ASIC2: variants seen among roughly 807,000 people sequenced by gnomAD.
ASIC2 encodes the protein acid sensing ion channel subunit 2.
A neutral mutation model predicts 57.3 loss-of-function variants in ASIC2; 25 were observed. That is an observed-to-expected ratio of 0.44 (90% CI 0.32 to 0.61). ASIC2 has a LOEUF of 0.61. ASIC2 is among the 20% of genes least tolerant of loss of function. ASIC2 has a pLI of 0.06. For synonymous variants in ASIC2, 319 were observed against 307.5 expected (o/e 1.04, Z -0.39); for missense variants, 641 against 738.1 (o/e 0.87, Z 1.52).
intron 1 of ASIC2, among the ~76,000 whole-genome samples, chr17:33,507,826 A>G (rs1914311159): frequency 6.6e-6 from 1 of 152,084 alleles, no homozygotes; most frequent in South Asian, 2.1e-4. Flanking sequence ...AATTGCTTGA[A>G]CCCAGCAGGC....
intron 1 of ASIC2, among the ~76,000 whole-genome samples, chr17:33,759,438 GATAATA>G (rs1448175243): frequency 6.6e-6 from 1 of 152,198 alleles, no homozygotes; most frequent in Admixed American, 6.5e-5. Flanking sequence ...CCATGTGGGA[GATAATA>G]ATAAAAAGTA....
At chr17:33,941,732 G>C (rs529689607) in intron 1 of ASIC2, among the ~76,000 whole-genome samples, 6 of 152,182 alleles carry the variant, frequency 3.9e-5, no homozygotes, top group African/African-American at 1.4e-4. Flanking sequence ...GAATGAAAAG[G>C]AGGTCAAAGG....
intron 1 of ASIC2, among the ~76,000 whole-genome samples, chr17:33,889,758 C>A (rs372911918): frequency 6.6e-6 from 1 of 152,114 alleles, no homozygotes; most frequent in Non-Finnish European, 1.5e-5. Context: ...TGCAAAGAGG[C>A]GGGAGAGTTA....
At chr17:33,575,017 C>T (rs1353434498) in intron 1 of ASIC2, among the ~76,000 whole-genome samples, 1 of 152,170 alleles carries the variant, frequency 6.6e-6, no homozygotes, top group East Asian at 1.9e-4. Flanking sequence ...GAAGGTGGCA[C>T]CAGGAGTGGG....
At chr17:33,387,090 G>A (rs1230331658) in intron 1 of ASIC2, among the ~76,000 whole-genome samples, 1 of 152,126 alleles carries the variant, frequency 6.6e-6, no homozygotes, top group Non-Finnish European at 1.5e-5. Flanking sequence ...GTTTCACCAT[G>A]TTGGCCAGGC....
At chr17:33,423,768 C>T (rs1034987624) in intron 1 of ASIC2, among the ~76,000 whole-genome samples, 5 of 152,318 alleles carry the variant, frequency 3.3e-5, no homozygotes, top group African/African-American at 1.2e-4. Context: ...ATATCCAGAA[C>T]AACTCATGCA....
chr17:33,873,149 T>C (rs554561260), intron 1 of ASIC2, among the ~76,000 whole-genome samples: 37 of 152,354 alleles, frequency 2.4e-4, no homozygotes, highest in African/African-American at 8.7e-4. Context: ...ATAAACTCTT[T>C]GCTCTCCATT....
At chr17:33,072,682 G>A (rs761486869) in intron 3 of ASIC2, among the ~76,000 whole-genome samples, 8 of 152,284 alleles carry the variant, frequency 5.3e-5, no homozygotes, top group Non-Finnish European at 1.0e-4. Context: ...GTCCAAAGAG[G>A]TATAGTGATC....
intron 1 of ASIC2, among the ~76,000 whole-genome samples, chr17:33,683,743 A>G (rs1402507910): frequency 6.6e-6 from 1 of 152,036 alleles, no homozygotes; most frequent in Non-Finnish European, 1.5e-5. Flanking sequence ...GGGTCTTGCT[A>G]TGTTGCCCAG....
intron 1 of ASIC2, among the ~76,000 whole-genome samples, chr17:34,115,410 C>T (rs1441566349): frequency 3.3e-5 from 5 of 152,178 alleles, no homozygotes; most frequent in Non-Finnish European, 7.3e-5. Flanking sequence ...CACTCAACCC[C>T]TGCTTGAATT....
intron 1 of ASIC2, among the ~76,000 whole-genome samples, chr17:34,130,186 C>T (rs572516329): frequency 1.3e-5 from 2 of 152,318 alleles, no homozygotes; most frequent in Admixed American, 6.5e-5. Context: ...GCCTGTCACA[C>T]ACTTTTCAAG....
chr17:33,885,893 G>A (rs948713842), intron 1 of ASIC2, among the ~76,000 whole-genome samples: 8 of 152,168 alleles, frequency 5.3e-5, no homozygotes, highest in African/African-American at 1.9e-4. Context: ...ATTATCCTTG[G>A]GAATTTTCAT....
intron 1 of ASIC2, among the ~76,000 whole-genome samples, chr17:33,761,763 A>G (rs2142112937): frequency 6.6e-6 from 1 of 150,980 alleles, no homozygotes; most frequent in South Asian, 2.1e-4. Flanking sequence ...TCTACCTTCT[A>G]TTTCCCTCCC....
chr17:33,980,749 G>A (rs1597960578), intron 1 of ASIC2: 1 of 152,162 alleles, frequency 6.6e-6, no homozygotes, highest in Non-Finnish European at 1.5e-5. Context: ...TTACAGGGTG[G>A]TTCACATCCA....
At chr17:33,604,375 C>A (rs1211348193) in intron 1 of ASIC2, among the ~76,000 whole-genome samples, 1 of 152,134 alleles carries the variant, frequency 6.6e-6, no homozygotes, top group Non-Finnish European at 1.5e-5. Context: ...GATGAAGTGT[C>A]AGCCTGGTCT....
intron 1 of ASIC2, among the ~76,000 whole-genome samples, chr17:33,542,868 T>TTA (rs1468364256): frequency 6.6e-5 from 10 of 151,254 alleles, no homozygotes; most frequent in South Asian, 2.1e-4. Context: ...TCTAGGGTTT[T>TTA]TATGGTTTTA....
chr17:33,303,681 T>A (rs1208235462), intron 1 of ASIC2, among the ~76,000 whole-genome samples: 1 of 152,190 alleles, frequency 6.6e-6, no homozygotes, highest in African/African-American at 2.4e-5. Flanking sequence ...TTCCTCCCTT[T>A]TTCCCTCTTA....
chr17:33,110,145 C>T (rs1445114869), intron 2 of ASIC2, among the ~76,000 whole-genome samples: 4 of 152,178 alleles, frequency 2.6e-5, no homozygotes, highest in Non-Finnish European at 5.9e-5. Flanking sequence ...ACATAACTAA[C>T]TTCTGTTTAG....
chr17:33,515,958 G>A (rs557742058), intron 1 of ASIC2, among the ~76,000 whole-genome samples: 83 of 152,188 alleles, frequency 5.5e-4, no homozygotes, highest in African/African-American at 1.5e-3. Flanking sequence ...TTAGCTGGGC[G>A]TGGTGGTGTG....
Sources: allele counts gnomAD v4.1 joint callset (sites outside exome capture counted in the v4.1 genomes callset), GRCh38; gene constraint gnomAD v4.1.1; transcripts MANE v1.5; gene names NCBI Gene and HGNC (gene_info 2026-07-23, HGNC 2026-07-21).